The following NREP variants were observed in gnomAD, a reference collection of about 807,000 sequenced individuals.
NREP encodes neuronal regeneration related protein.
In NREP, 5 loss-of-function variants were observed where a neutral mutation model predicts 8.6. The observed-to-expected ratio is 0.58, with a 90% CI of 0.30 to 1.22. The LOEUF (loss-of-function observed/expected upper bound fraction) is 1.22. NREP is among the 50% of genes most tolerant of loss of function. The pLI is 0.07. For missense variants in NREP, 86 were observed against 82.5 expected (o/e 1.04, Z -0.17); for synonymous variants, 27 against 28.0 (o/e 0.96, Z 0.11).
At chr5:111,753,168 C>G (rs578255459) in intron 2 of NREP, among the ~76,000 whole-genome samples, 8 of 151,620 alleles carry the variant, frequency 5.3e-5, no homozygotes, top group Non-Finnish European at 1.0e-4. Context: ...ATACAGCAAA[C>G]TATACTCAAA....
At chr5:111,885,293 G>A (rs1303972164) in intron 2 of NREP, among the ~76,000 whole-genome samples, 1 of 151,570 alleles carries the variant, frequency 6.6e-6, no homozygotes, top group Non-Finnish European at 1.5e-5. Flanking sequence ...TCTTCAAGGA[G>A]AACTACAAAC....
intron 2 of NREP, among the ~76,000 whole-genome samples, chr5:111,842,933 G>A (rs1191565493): frequency 6.6e-6 from 1 of 152,130 alleles, no homozygotes; most frequent in South Asian, 2.1e-4. Flanking sequence ...TAGTTTTTTA[G>A]AGGTTCCATT....
rs556747106 is a variant in NREP, at chr5:111,801,266, C to G, written c.136-65759G>C. On this transcript the variant is annotated intron_variant, in intron 2 of 3. Transcript: ENST00000395634. ...CTTATTTTCAACAGGGAGAATTAAG[C>G]CTCTAAGTTGTATTTACCCTTACAA... Among the ~76,000 whole-genome samples the G allele has an allele frequency of 9.2e-5, 14 of 152,214 alleles. No homozygotes were observed. In the South Asian group the frequency reaches 2.7e-3, roughly 29 times the overall value.
At chr5:111,910,875 C>T (rs1754893808) in intron 2 of NREP, among the ~76,000 whole-genome samples, 1 of 152,060 alleles carries the variant, frequency 6.6e-6, no homozygotes, top group South Asian at 2.1e-4. Context: ...TGGATAGCTG[C>T]TATTGTGACT....
intron 2 of NREP, among the ~76,000 whole-genome samples, chr5:111,868,668 A>G (rs1199740343): frequency 6.6e-6 from 1 of 152,144 alleles, no homozygotes; most frequent in Non-Finnish European, 1.5e-5. Context: ...TAGCTGGTCC[A>G]TTTTCATCAC....
chr5:111,886,298 C>A (rs1754246805), intron 2 of NREP, among the ~76,000 whole-genome samples: 1 of 152,130 alleles, frequency 6.6e-6, no homozygotes, highest in African/African-American at 2.4e-5. Context: ...GTTAGAATGG[C>A]AGTCATTAAA....
chr5:111,912,933 G>T (rs866382387), intron 2 of NREP, among the ~76,000 whole-genome samples: 1 of 152,052 alleles, frequency 6.6e-6, no homozygotes, highest in Non-Finnish European at 1.5e-5. Context: ...CCTACACAAA[G>T]TGTTTAAGAA....
intron 2 of NREP, among the ~76,000 whole-genome samples, chr5:111,750,551 C>G (rs1457449195): frequency 6.6e-6 from 1 of 152,150 alleles, no homozygotes; most frequent in Non-Finnish European, 1.5e-5. Context: ...ATTTCTGGCT[C>G]CAGCTTAATT....
chr5:111,912,482 A>G (rs760889873), intron 2 of NREP: 2 of 152,012 alleles, frequency 1.3e-5, no homozygotes, highest in Non-Finnish European at 2.9e-5. Context: ...TTCTATCTGT[A>G]TCTCTGAAAA....
At chr5:111,848,596 C>G (rs896431216) in intron 2 of NREP, among the ~76,000 whole-genome samples, 6 of 152,086 alleles carry the variant, frequency 3.9e-5, no homozygotes, top group African/African-American at 1.4e-4. Context: ...GCTTTTACAG[C>G]TCTGCTAAAT....
At chr5:111,891,107 T>G (rs1453276070) in intron 2 of NREP, among the ~76,000 whole-genome samples, 5 of 152,236 alleles carry the variant, frequency 3.3e-5, no homozygotes, top group Non-Finnish European at 7.3e-5. Flanking sequence ...TGCTCAGATA[T>G]CTGAGCACAG....
At position 111,779,897 on chromosome 5, in the gene NREP, T is replaced by A. The variant is rs537959246; in HGVS notation, c.136-44390A>T. The stretch of plus-strand genomic sequence containing the variant: ...CTCTCTTGATTAAATTGTGATTTTT[T>A]ATTATTTTTATTTTTGCCTCAGAAG... On this transcript the variant is annotated intron_variant, in intron 2 of 3. Coordinates refer to the NREP transcript ENST00000395634. Among the ~76,000 whole-genome samples, 296 of 152,316 alleles carry A rather than the reference T, an allele frequency of 1.9e-3. 1 individual carries two copies. The highest frequency in any genetic ancestry group is 6.7e-3 in the African/African-American group (280 of 41,572).
At chr5:111,792,910 A>G (rs915971262) in intron 2 of NREP, among the ~76,000 whole-genome samples, 1 of 152,162 alleles carries the variant, frequency 6.6e-6, no homozygotes. Context: ...TTTTTTTCTG[A>G]TGACGTTTCT....
At chr5:111,759,693 T>C (rs1750915720), upstream of NREP, among the ~76,000 whole-genome samples, 1 of 152,172 alleles carries the variant, frequency 6.6e-6, no homozygotes, top group Non-Finnish European at 1.5e-5. Flanking sequence ...CATTCTTGAG[T>C]CTCCTCTAGG....
At chr5:111,765,165 G>A (rs535118498) in intron 2 of NREP, among the ~76,000 whole-genome samples, 1 of 152,146 alleles carries the variant, frequency 6.6e-6, no homozygotes, top group South Asian at 2.1e-4. Context: ...TCAGATCATC[G>A]GGCATTTGGT....
chr5:111,790,846 A>C (rs1010068918), intron 2 of NREP, among the ~76,000 whole-genome samples: 3 of 152,126 alleles, frequency 2.0e-5, no homozygotes, highest in Admixed American at 2.0e-4. Context: ...TTATGCGCCT[A>C]TTTTTGTTCA....
At chr5:111,819,930 A>C (rs1752478362) in intron 2 of NREP, among the ~76,000 whole-genome samples, 1 of 152,192 alleles carries the variant, frequency 6.6e-6, no homozygotes, top group Non-Finnish European at 1.5e-5. Flanking sequence ...AGTCTTGAAG[A>C]ATGTAAATAA....
intron 2 of NREP, among the ~76,000 whole-genome samples, chr5:111,903,713 T>C (rs1754707431): frequency 6.6e-6 from 1 of 152,086 alleles, no homozygotes; most frequent in Non-Finnish European, 1.5e-5. Flanking sequence ...GGGCAACATT[T>C]TAAATAACAT....
intron 2 of NREP, among the ~76,000 whole-genome samples, chr5:111,864,312 T>C (rs1407279815): frequency 6.6e-6 from 1 of 152,118 alleles, no homozygotes; most frequent in African/African-American, 2.4e-5. Context: ...TGTGGAAGTA[T>C]TGCCATGAGA....
Sources: gnomAD v4.1 joint callset for allele counts (sites outside exome capture counted in the v4.1 genomes callset) on GRCh38, gnomAD v4.1.1 for gene constraint, MANE v1.5 for transcripts, NCBI Gene and HGNC (gene_info 2026-07-23, HGNC 2026-07-21) for gene names.